The following NFXL1 variants were observed in gnomAD, a reference collection of about 807,000 sequenced individuals.
The protein encoded by NFXL1 is NF-X1-type zinc finger protein NFXL1.
In NFXL1, 66 loss-of-function variants were observed where a neutral mutation model predicts 123.3. The observed-to-expected ratio is 0.54, with a 90% confidence interval of 0.44 to 0.66. The LOEUF (loss-of-function observed/expected upper bound fraction) is 0.66. Among genes scored for constraint, NFXL1 ranks in the 30% least tolerant of loss-of-function variants. NFXL1 has a pLI of 0.00. For synonymous variants in NFXL1, 346 were observed against 360.8 expected, an observed-to-expected ratio of 0.96 and a Z score of 0.46; for missense variants, 944 against 1,125.6, an observed-to-expected ratio of 0.84 and a Z score of 2.31.
intron 10 of NFXL1, among the ~76,000 whole-genome samples, chr4:47,896,149 G>C (rs1367421885): frequency 2.0e-5 from 3 of 152,138 alleles, no homozygotes; most frequent in Non-Finnish European, 4.4e-5. Flanking sequence ...AAAGATCACT[G>C]ATCACAGGTT....
intron 18 of NFXL1, among the ~76,000 whole-genome samples, chr4:47,870,032 T>C (rs1735333388): frequency 1.3e-5 from 2 of 152,026 alleles, no homozygotes; most frequent in Non-Finnish European, 2.9e-5. Context: ...AAATTTTCAT[T>C]AGAAAAAATA....
chr4:47,859,783 A>G (rs1734621148), intron 19 of NFXL1, among the ~76,000 whole-genome samples: 2 of 124,804 alleles, frequency 1.6e-5, no homozygotes, highest in African/African-American at 6.0e-5. Context: ...TGGAGGTTGT[A>G]GTGAGCCAAG....
intron 19 of NFXL1, among the ~76,000 whole-genome samples, chr4:47,861,038 T>C (rs1241355874): frequency 2.6e-5 from 4 of 151,808 alleles, no homozygotes; most frequent in Admixed American, 6.6e-5. Context: ...TTTTGTATTT[T>C]TTAGTAGAAA....
chr4:47,886,404 T>C (rs1237628510), intron 12 of NFXL1, among the ~76,000 whole-genome samples: 1 of 152,070 alleles, frequency 6.6e-6, no homozygotes, highest in Non-Finnish European at 1.5e-5. Context: ...GGTCTCAACC[T>C]GTTGCTCAAG....
chr4:47,912,061 A>G (rs1296324328), intron 2 of NFXL1, among the ~76,000 whole-genome samples: 2 of 152,200 alleles, frequency 1.3e-5, no homozygotes, highest in Non-Finnish European at 2.9e-5. Context: ...CCCTCATGAA[A>G]CATTTTCCTT....
At position 47,899,136 on chromosome 4, in the gene NFXL1, A is replaced by C; in HGVS notation, c.827-16T>G. ...GGGCAGGGACCTAGAATTCAGTAAA[A>C]GCAAAAAAAAAAAAAAAAAAAAAAT... On this transcript the variant is annotated splice_polypyrimidine_tract_variant and intron_variant, in intron 6 of 22. Transcript: ENST00000507489. The C allele has an allele frequency of 7.2e-7, 1 of 1,387,846 alleles. No individual in the cohort carries two copies. Among genetic ancestry groups the C allele is most frequent in the Non-Finnish European group, 9.3e-7 (1 of 1,070,458 alleles). 86.0% of individuals were successfully genotyped at this position (1,387,846 alleles called of 1,614,324 possible).
intron 10 of NFXL1, among the ~76,000 whole-genome samples, chr4:47,895,310 T>G (rs761811849): frequency 5.3e-5 from 8 of 152,196 alleles, no homozygotes; most frequent in Non-Finnish European, 1.0e-4. Flanking sequence ...ACATTAGCCC[T>G]TAAGAAGAAA....
intron 14 of NFXL1, 54 bp downstream of exon 14, chr4:47,885,444 A>G (rs1196784660): frequency 1.4e-6 from 2 of 1,436,870 alleles, no homozygotes. Context: ...AGTAAAAGCA[A>G]GAAAGTACAA....
chr4:47,874,185 C>T (rs879647560), intron 18 of NFXL1, among the ~76,000 whole-genome samples: 3 of 152,182 alleles, frequency 2.0e-5, no homozygotes, highest in South Asian at 4.1e-4. Flanking sequence ...ATTCTGTGTT[C>T]GCTGGAATGA....
chr4:47,862,525 A>G (rs1343020894), intron 19 of NFXL1, among the ~76,000 whole-genome samples: 1 of 152,216 alleles, frequency 6.6e-6, no homozygotes, highest in East Asian at 1.9e-4. Context: ...TCTAACTGCT[A>G]TGACCCACAT....
At chr4:47,913,478 TGAGA>T (rs974299054) in intron 2 of NFXL1, among the ~76,000 whole-genome samples, 4 of 152,050 alleles carry the variant, frequency 2.6e-5, no homozygotes, top group African/African-American at 9.6e-5. Flanking sequence ...GCTCCAGAAA[TGAGA>T]GAGAATGTGA....
chr4:47,861,242 C>A (rs1239681827), intron 19 of NFXL1, among the ~76,000 whole-genome samples: 9 of 152,132 alleles, frequency 5.9e-5, no homozygotes, highest in South Asian at 2.1e-4. Flanking sequence ...GTGTCACCAA[C>A]GTCAAGAGAC....
At chr4:47,853,835 C>T (rs1305877323) in intron 20 of NFXL1, among the ~76,000 whole-genome samples, 1 of 152,034 alleles carries the variant, frequency 6.6e-6, no homozygotes, top group African/African-American at 2.4e-5. Flanking sequence ...ATTTTTTATA[C>T]AATGCACTTT....
At chr4:47,891,853 C>G (rs1422352729) in intron 11 of NFXL1, among the ~76,000 whole-genome samples, 1 of 151,734 alleles carries the variant, frequency 6.6e-6, no homozygotes, top group Non-Finnish European at 1.5e-5. Flanking sequence ...AGGAGAATTG[C>G]TTGAACATGG....
At chr4:47,871,569 G>T (rs1735434756) in intron 18 of NFXL1, among the ~76,000 whole-genome samples, 1 of 152,026 alleles carries the variant, frequency 6.6e-6, no homozygotes, top group African/African-American at 2.4e-5. Flanking sequence ...AATCATCAAT[G>T]GATGCTAAAA....
chr4:47,868,273 C>T (rs1221840640), intron 18 of NFXL1, among the ~76,000 whole-genome samples: 1 of 150,440 alleles, frequency 6.6e-6, no homozygotes, highest in East Asian at 1.9e-4. Flanking sequence ...GAGCCGAGAT[C>T]GCACCATTGC....
chr4:47,862,826 A>C lies in NFXL1; in HGVS notation c.2316+20T>G. The C allele has an allele frequency of 7.2e-7, 1 of 1,379,734 alleles. No individual in the cohort carries two copies. Among genetic ancestry groups the C allele is most frequent in the Non-Finnish European group, 1.0e-6 (1 of 992,312 alleles). The allele number at this position is 1,379,734 out of a possible 1,614,324, so 85.5% of individuals were successfully genotyped here. ...ACAATGCCCAAGGAATACAATTTAA[A>C]AGGTTCTACTAAAGCTTACCTCTTT... On this transcript the variant is annotated intron_variant, in intron 19 of 22. Transcript: ENST00000507489.
chr4:47,904,957 C>T (rs1737498728), intron 4 of NFXL1, among the ~76,000 whole-genome samples: 1 of 152,128 alleles, frequency 6.6e-6, no homozygotes, highest in Admixed American at 6.5e-5. Flanking sequence ...GTGGGAATCT[C>T]TAAAGTACAG....
chr4:47,900,740 T>C (rs745943076), intron 5 of NFXL1, among the ~76,000 whole-genome samples: 2 of 152,258 alleles, frequency 1.3e-5, no homozygotes, highest in Non-Finnish European at 2.9e-5. Context: ...ACAAGTTTCA[T>C]ATTAACATTT....
Sources: allele counts gnomAD v4.1 joint callset (sites outside exome capture counted in the v4.1 genomes callset), GRCh38; gene constraint gnomAD v4.1.1; transcripts MANE v1.5; gene names NCBI Gene and HGNC (gene_info 2026-07-23, HGNC 2026-07-21).